XXYLT1: variants seen among roughly 807,000 people sequenced by gnomAD.
XXYLT1 encodes the protein UDP-xylose:alpha-xyloside alpha-1,3-xylosyltransferase.
In XXYLT1, 20 loss-of-function variants were observed where a neutral mutation model predicts 28.9. That is an observed-to-expected ratio of 0.69 (90% CI 0.49 to 1.00). The LOEUF (loss-of-function observed/expected upper bound fraction) is 1.00. Ranked by LOEUF, XXYLT1 falls within the 50% of genes least tolerant of loss-of-function variation. The pLI is 0.00. For missense variants in XXYLT1, 542 were observed against 560.1 expected (o/e 0.97, Z 0.33); for synonymous variants, 257 against 253.8 (o/e 1.01, Z -0.12).
rs989082828 is a variant in XXYLT1, at chr3:195,078,131, C to T, written c.786-8020G>A. On this transcript the variant is annotated intron_variant, in intron 3 of 3. Coordinates refer to ENST00000310380, the MANE Select transcript of XXYLT1 (RefSeq NM_152531.5). The surrounding 1 kb of genome is among the most constrained non-coding windows in gnomAD (Gnocchi z 5.0). ...GGAGCTGGGAGGAGTGGGTGTGGGG[C>T]GGAGGAAAAGGGAATTCCATGTTGA... Among the ~76,000 whole-genome samples the T allele has an allele frequency of 7.9e-5, 12 of 152,028 alleles. No homozygotes were observed. The highest frequency in any genetic ancestry group is 1.9e-4 in the East Asian group (1 of 5,162).
At position 195,143,827 on chromosome 3, in the gene XXYLT1, T is replaced by G. The variant is rs867663401; in HGVS notation, c.785+12622A>C. On this transcript the variant is annotated intron_variant, in intron 3 of 3. Coordinates refer to ENST00000310380, the MANE Select transcript of XXYLT1 (RefSeq NM_152531.5). ...ATAGATATATATAGATATAGATATATATAGATATAGATATAGATATATATA... is the reference window on the plus strand; with the variant it reads ...ATAGATATATATAGATATAGATATAGATAGATATAGATATAGATATATATA... 2.3e-3 allele frequency among the ~76,000 whole-genome samples: 187 copies of G among 82,372 alleles called. 5 individuals are homozygous for G. The highest frequency in any genetic ancestry group is 7.9e-3 in the African/African-American group (159 of 20,034). 54.0% of individuals were successfully genotyped at this position (82,372 alleles called of 152,430 possible). A position where few individuals can be genotyped will look rare whatever the true frequency, so the allele number is the denominator to read the frequency against.
At chr3:195,169,189 C>T (rs1277877676) in intron 2 of XXYLT1, among the ~76,000 whole-genome samples, 3 of 152,236 alleles carry the variant, frequency 2.0e-5, no homozygotes, top group Admixed American at 6.5e-5. Context: ...GCCGCGGCAA[C>T]GCGCTTAGCA....
chr3:195,244,943 A>C (rs530756964), intron 1 of XXYLT1, among the ~76,000 whole-genome samples: 1 of 149,862 alleles, frequency 6.7e-6, no homozygotes. Flanking sequence ...AGGTGGGTGG[A>C]TCACCTGAGG....
At chr3:195,088,893 A>G (rs1577012521) in intron 3 of XXYLT1, among the ~76,000 whole-genome samples, 1 of 150,536 alleles carries the variant, frequency 6.6e-6, no homozygotes, top group East Asian at 2.0e-4. Context: ...AAGCCTCAGG[A>G]GCCGATGCAA....
At chr3:195,259,555 G>A (rs1725605434) in intron 1 of XXYLT1, 1 of 985,364 alleles carries the variant, frequency 1.0e-6, no homozygotes, top group South Asian at 4.7e-5. Context: ...CCTCCTCCCA[G>A]GGAGAGGCCT....
chr3:195,069,058 G>A lies in XXYLT1; in HGVS notation c.*657C>T, dbSNP rs1576989036. On this transcript the variant is annotated 3_prime_UTR_variant, in exon 4 of 4. Transcript: ENST00000310380. ...AGGATGTAGCTGGGAGATACAAGCT[G>A]TGAGTACTCTAATAATGAGATAAGT... is the stretch of plus-strand genomic sequence containing the variant. The A allele has an allele frequency of 1.3e-5, 2 of 152,256 alleles. No homozygotes were observed. Among genetic ancestry groups the A allele is most frequent in the African/African-American group, 4.8e-5 (2 of 41,450 alleles). 9.4% of individuals were successfully genotyped at this position (152,256 alleles called of 1,614,324 possible). A position where few individuals can be genotyped will look rare whatever the true frequency, so the allele number is the denominator to read the frequency against.
At chr3:195,172,788 T>TG (rs1318470322) in intron 2 of XXYLT1, among the ~76,000 whole-genome samples, 42 of 152,256 alleles carry the variant, frequency 2.8e-4, no homozygotes, top group African/African-American at 9.1e-4. Context: ...AGCTGAAACT[T>TG]GAACTGTGGG....
chr3:195,099,747 C>T (rs967140485), intron 3 of XXYLT1, among the ~76,000 whole-genome samples: 2 of 146,858 alleles, frequency 1.4e-5, no homozygotes, highest in South Asian at 2.2e-4. Context: ...TGCAGAATGG[C>T]GTGAACCTGG....
intron 3 of XXYLT1, among the ~76,000 whole-genome samples, chr3:195,140,494 T>G (rs1719427358): frequency 1.3e-5 from 2 of 152,138 alleles, no homozygotes; most frequent in South Asian, 4.1e-4. Flanking sequence ...TGAGATTGGG[T>G]TGATTTATGT....
At chr3:195,259,103 C>G (rs537957406) in intron 1 of XXYLT1, among the ~76,000 whole-genome samples, 15 of 152,376 alleles carry the variant, frequency 9.8e-5, no homozygotes, top group Middle Eastern at 3.4e-3. Context: ...TCTGTTATCC[C>G]GGCAGCACAG....
chr3:195,069,193 A>G lies in XXYLT1; in HGVS notation c.*522T>C, dbSNP rs1484302851. The G allele has an allele frequency of 6.5e-6, 1 of 154,576 alleles. No homozygotes were observed. The highest frequency in any genetic ancestry group is 1.4e-5 in the Non-Finnish European group (1 of 69,492). The allele number at this position is 154,576 out of a possible 1,614,324, so 9.6% of individuals were successfully genotyped here. A position where few individuals can be genotyped will look rare whatever the true frequency, so the allele number is the denominator to read the frequency against. On this transcript the variant is annotated 3_prime_UTR_variant, in exon 4 of 4. Coordinates refer to ENST00000310380, the MANE Select transcript of XXYLT1 (RefSeq NM_152531.5). ...GAGAATGCGCGTGCAGCAGCCTCCCAGGGTGAGTATGTGATGGGCTGGCAT... is the reference window on the plus strand; with the variant it reads ...GAGAATGCGCGTGCAGCAGCCTCCCGGGGTGAGTATGTGATGGGCTGGCAT...
intron 2 of XXYLT1, among the ~76,000 whole-genome samples, chr3:195,190,505 A>C (rs927848628): frequency 1.5e-4 from 22 of 151,310 alleles, no homozygotes; most frequent in Non-Finnish European, 2.4e-4. Context: ...AAAAAAAAAA[A>C]AAAAAAAAAA....
chr3:195,090,067 C>A (rs1716045514), intron 3 of XXYLT1, among the ~76,000 whole-genome samples: 1 of 149,664 alleles, frequency 6.7e-6, no homozygotes, highest in Non-Finnish European at 1.5e-5. Context: ...GACTCCCACA[C>A]ATTAATAATG....
chr3:195,233,592 C>T (rs1040969453), intron 1 of XXYLT1, among the ~76,000 whole-genome samples: 1 of 152,132 alleles, frequency 6.6e-6, no homozygotes, highest in African/African-American at 2.4e-5. Flanking sequence ...GACAAATTAA[C>T]ACTGATTACA....
intron 2 of XXYLT1, among the ~76,000 whole-genome samples, chr3:195,185,899 C>G (rs1320946373): frequency 6.6e-6 from 1 of 152,190 alleles, no homozygotes; most frequent in African/African-American, 2.4e-5. Flanking sequence ...CACTTTCACT[C>G]AGACCTTTCT....
At chr3:195,143,746 T>C (rs1719609194) in intron 3 of XXYLT1, among the ~76,000 whole-genome samples, 1 of 146,122 alleles carries the variant, frequency 6.8e-6, no homozygotes, top group African/African-American at 2.5e-5. Context: ...TACTAGATGA[T>C]CACCTTTTCT....
intron 3 of XXYLT1, among the ~76,000 whole-genome samples, chr3:195,112,558 G>A (rs1448741615): frequency 1.4e-5 from 2 of 142,626 alleles, no homozygotes; most frequent in Non-Finnish European, 3.0e-5. Flanking sequence ...GGAACAGCTA[G>A]ATGAAGCAGT....
intron 3 of XXYLT1, among the ~76,000 whole-genome samples, chr3:195,110,352 G>GT (rs1717536084): frequency 1.3e-4 from 6 of 44,644 alleles, no homozygotes; most frequent in African/African-American, 4.4e-4. Flanking sequence ...TGTGGTGTGT[G>GT]GTGTATGTGC....
At chr3:195,119,297 A>G (rs932371851) in intron 3 of XXYLT1, among the ~76,000 whole-genome samples, 1 of 151,930 alleles carries the variant, frequency 6.6e-6, no homozygotes, top group Non-Finnish European at 1.5e-5. Context: ...CAAAAAAAAA[A>G]AAAAAAAAGG....
Sources: allele counts gnomAD v4.1 joint callset (sites outside exome capture counted in the v4.1 genomes callset), GRCh38; gene constraint gnomAD v4.1.1; non-coding constraint Gnocchi (gnomAD v3.1); transcripts MANE v1.5; gene names NCBI Gene and HGNC (gene_info 2026-07-23, HGNC 2026-07-21).